Variants in CNTNAP2 observed in about 807,000 individuals in gnomAD.
The protein encoded by CNTNAP2 is contactin associated protein 2.
CNTNAP2 carries 98 observed loss-of-function variants against 155.2 expected under a neutral mutation model. The observed-to-expected ratio is 0.63, with a 90% CI of 0.54 to 0.75. The LOEUF is 0.75. Among genes scored for constraint, CNTNAP2 ranks in the 30% least tolerant of loss-of-function variants. CNTNAP2 has a pLI of 0.00. For synonymous variants in CNTNAP2, 651 were observed against 631.2 expected (o/e 1.03, Z -0.47); for missense variants, 1,727 against 1,688.1 (o/e 1.02, Z -0.40).
At chr7:147,836,526 T>G (rs2116644373) in intron 13 of CNTNAP2, among the ~76,000 whole-genome samples, 1 of 152,286 alleles carries the variant, frequency 6.6e-6, no homozygotes, top group African/African-American at 2.4e-5. Flanking sequence ...CTCCTGCCCC[T>G]TTATAATAGA....
intron 21 of CNTNAP2, among the ~76,000 whole-genome samples, chr7:148,284,298 G>A (rs1313385613): frequency 1.3e-5 from 2 of 152,102 alleles, no homozygotes; most frequent in Non-Finnish European, 2.9e-5. Flanking sequence ...TCTCATGGTA[G>A]TGAAGAAGTC....
At chr7:147,866,925 A>G (rs1043715484) in intron 13 of CNTNAP2, among the ~76,000 whole-genome samples, 9 of 152,132 alleles carry the variant, frequency 5.9e-5, no homozygotes, top group Admixed American at 5.9e-4. Flanking sequence ...GTGTCTTTTA[A>G]CTGGGGCTTT....
chr7:147,237,703 G>T (rs1803841513), intron 8 of CNTNAP2, among the ~76,000 whole-genome samples: 1 of 152,186 alleles, frequency 6.6e-6, no homozygotes, highest in Non-Finnish European at 1.5e-5. Flanking sequence ...CTTCCAGCAT[G>T]CAATAAGCAA....
At chr7:147,422,144 T>G (rs942171663) in intron 10 of CNTNAP2, among the ~76,000 whole-genome samples, 10 of 147,902 alleles carry the variant, frequency 6.8e-5, no homozygotes, top group Non-Finnish European at 1.3e-4. Flanking sequence ...TATATATATA[T>G]AGTATGTATA....
intron 15 of CNTNAP2, among the ~76,000 whole-genome samples, chr7:148,024,254 A>G (rs73468113): frequency 0.021 from 3,125 of 151,974 alleles, 128 homozygotes; most frequent in African/African-American, 0.071. Context: ...CACCACAAGT[A>G]GTTAGAGCTC....
At chr7:147,814,771 T>C (rs767602230) in intron 13 of CNTNAP2, among the ~76,000 whole-genome samples, 2 of 152,182 alleles carry the variant, frequency 1.3e-5, no homozygotes, top group Non-Finnish European at 2.9e-5. Context: ...AATATACATG[T>C]TCATCCTATA....
intron 13 of CNTNAP2, among the ~76,000 whole-genome samples, chr7:147,821,105 C>T (rs541361138): frequency 1.3e-5 from 2 of 152,068 alleles, no homozygotes; most frequent in South Asian, 2.1e-4. Context: ...TTACCTGTGG[C>T]AGGTAGCAGT....
In CNTNAP2 at chr7:147,314,195, G is replaced by A. The variant is rs565886191; in HGVS notation, c.1498+13905G>A. 1.7e-3 allele frequency among the ~76,000 whole-genome samples: 262 copies of A among 152,158 alleles called. 3 individuals are homozygous for A. The highest frequency in any genetic ancestry group is 6.0e-3 in the African/African-American group (249 of 41,482). ...CCCTAAAAATGGTTGAATATCTAAT[G>A]GGAAAATTTGAAGTGTTTTTGGGGA... On this transcript the variant is annotated intron_variant, in intron 9 of 23. Transcript: ENST00000361727.
chr7:147,983,278 A>G (rs1563157217), intron 15 of CNTNAP2, among the ~76,000 whole-genome samples: 1 of 152,108 alleles, frequency 6.6e-6, no homozygotes, highest in Non-Finnish European at 1.5e-5. Flanking sequence ...TCCAGAGAAG[A>G]GTTCAAAATT....
At chr7:146,690,054 A>G (rs1038339306) in intron 1 of CNTNAP2, among the ~76,000 whole-genome samples, 1 of 152,024 alleles carries the variant, frequency 6.6e-6, no homozygotes, top group African/African-American at 2.4e-5. Context: ...AAATAGCCAC[A>G]CACACAATTT....
intron 1 of CNTNAP2, among the ~76,000 whole-genome samples, chr7:146,235,372 A>T (rs1447012509): frequency 6.6e-6 from 1 of 151,984 alleles, no homozygotes; most frequent in East Asian, 1.9e-4. Flanking sequence ...GTGGCTGTTT[A>T]TTCAGAGTGC....
chr7:146,538,755 A>G (rs1362970180), intron 1 of CNTNAP2, among the ~76,000 whole-genome samples: 2 of 152,068 alleles, frequency 1.3e-5, no homozygotes, highest in African/African-American at 4.8e-5. Context: ...CGAGATGGGA[A>G]AGACAACAGG....
intron 21 of CNTNAP2, among the ~76,000 whole-genome samples, chr7:148,353,123 G>A (rs1188012221): frequency 1.3e-5 from 2 of 152,228 alleles, no homozygotes; most frequent in Non-Finnish European, 2.9e-5. Context: ...CCGGCAGCCT[G>A]CTCCAAGGTC....
At chr7:146,546,821 C>T (rs1006092275) in intron 1 of CNTNAP2, among the ~76,000 whole-genome samples, 1 of 151,910 alleles carries the variant, frequency 6.6e-6, no homozygotes, top group Non-Finnish European at 1.5e-5. Flanking sequence ...AACTCACTCA[C>T]TATCACAAGA....
intron 16 of CNTNAP2, among the ~76,000 whole-genome samples, chr7:148,141,146 T>G (rs1216479757): frequency 1.3e-5 from 2 of 152,228 alleles, no homozygotes; most frequent in Non-Finnish European, 2.9e-5. Context: ...GCATTTTCCT[T>G]TAGCAGTTTT....
intron 10 of CNTNAP2, among the ~76,000 whole-genome samples, chr7:147,406,158 TGAG>T (rs1352738723): frequency 1.3e-5 from 2 of 152,002 alleles, no homozygotes; most frequent in Non-Finnish European, 2.9e-5. Context: ...TTTCTCTTTT[TGAG>T]GAGTCTTTGC....
At chr7:147,564,140 A>T (rs12537820) in intron 12 of CNTNAP2, among the ~76,000 whole-genome samples, 4 of 151,834 alleles carry the variant, frequency 2.6e-5, no homozygotes, top group African/African-American at 9.7e-5. Context: ...ACTGCACTCC[A>T]GTCTAAAAGA....
chr7:146,737,320 C>T (rs2129180477), intron 1 of CNTNAP2, among the ~76,000 whole-genome samples: 1 of 152,056 alleles, frequency 6.6e-6, no homozygotes, highest in East Asian at 1.9e-4. Context: ...TTTTGAAGGA[C>T]CTAGTATATT....
At position 147,326,057 on chromosome 7, in the gene CNTNAP2, GGAC is replaced by G. The variant is rs200752042; in HGVS notation, c.1498+25771_1498+25773del. 8.7e-3 allele frequency among the ~76,000 whole-genome samples: 1,324 copies of G among 152,174 alleles called. 15 individuals carry two copies. The highest frequency in any genetic ancestry group is 0.03 in the African/African-American group (1,253 of 41,510). ...CCTGCCTCAGCCTCCCCAGTAGCTG[GGAC>G]GACAAGCGCACGCCACCACACCCGG... On this transcript the variant is annotated intron_variant, in intron 9 of 23. Coordinates refer to ENST00000361727, the MANE Select transcript of CNTNAP2 (RefSeq NM_014141.6).
Sources: allele counts gnomAD v4.1 joint callset (sites outside exome capture counted in the v4.1 genomes callset), GRCh38; gene constraint gnomAD v4.1.1; transcripts MANE v1.5; gene names NCBI Gene and HGNC (gene_info 2026-07-23, HGNC 2026-07-21).